Variants in RAET1E observed in about 807,000 individuals in gnomAD.
RAET1E encodes NKG2D ligand 4.
RAET1E carries 27 observed loss-of-function variants against 21.1 expected under a neutral mutation model. The observed-to-expected ratio is 1.28, with a 90% CI of 0.94 to 1.76. The LOEUF (loss-of-function observed/expected upper bound fraction) is 1.76, where lower values mean the gene tolerates loss of function less well. Ranked by LOEUF, RAET1E falls within the 40% of genes most tolerant of loss-of-function variation. The pLI is 0.00. For synonymous variants in RAET1E, 113 were observed against 115.0 expected (o/e 0.98, Z 0.11); for missense variants, 310 against 311.3 (o/e 1.00, Z 0.03).
At chr6:149,892,355 C>T (rs1162136579) in intron 2 of RAET1E, among the ~76,000 whole-genome samples, 2 of 152,240 alleles carry the variant, frequency 1.3e-5, no homozygotes, top group Non-Finnish European at 1.5e-5. Context: ...TTTTCCACAA[C>T]CTCTCCAACA....
At chr6:149,896,716 G>A (rs536780161) in intron 1 of RAET1E, among the ~76,000 whole-genome samples, 1 of 152,184 alleles carries the variant, frequency 6.6e-6, no homozygotes, top group Admixed American at 6.5e-5. Flanking sequence ...TGACCACTGA[G>A]TAGCTCCTTA....
intron 5 of RAET1E, 58 bp from the exon 6 acceptor site, chr6:149,888,725 G>T: frequency 1.4e-6 from 2 of 1,404,004 alleles, no homozygotes; most frequent in South Asian, 2.8e-5. Flanking sequence ...AAAAAAAAAA[G>T]CATAAAAATA....
intron 3 of RAET1E, 119 bp from the exon 4 acceptor site, chr6:149,890,264 T>A: frequency 9.9e-7 from 1 of 1,015,118 alleles, no homozygotes. Flanking sequence ...GGCAGCTCCA[T>A]CCCAGACTCC....
In RAET1E at chr6:149,884,535, C is replaced by T; in HGVS notation, c.*3963G>A. 2 of 1,535,294 alleles carry T rather than the reference C, an allele frequency of 1.3e-6. No individual in the cohort carries two copies. The highest frequency in any genetic ancestry group is 8.7e-7 in the Non-Finnish European group (1 of 1,146,258). ...GGAAGGAGACAAAAGAGTGCAGAAC[C>T]CTGGGTCAGATCAGCTCAGGATTGA... On this transcript the variant is annotated 3_prime_UTR_variant, in exon 6 of 6. Transcript: ENST00000357183.
Position 149,887,099 on chromosome 6 carries a change from C to T in RAET1E, c.*1399G>A, listed in dbSNP as rs1777644675. ...TGATCCCTGCCTGCTCCTGCCCAGA[C>T]AGGAAGCCCTTCAGCAGCCGACTCG... On this transcript the variant is annotated 3_prime_UTR_variant, in exon 6 of 6. Transcript: ENST00000357183. Among the ~76,000 whole-genome samples the T allele has an allele frequency of 6.6e-6, 1 of 152,230 alleles. No individual in the cohort carries two copies. The highest frequency in any genetic ancestry group is 1.5e-5 in the Non-Finnish European group (1 of 68,046).
rs1377661550 is a variant in RAET1E, at chr6:149,886,204, T to C, written c.*2294A>G. Among the ~76,000 whole-genome samples, 1 of 152,254 alleles carries C rather than the reference T, an allele frequency of 6.6e-6. No individual in the cohort carries two copies. Among genetic ancestry groups the C allele is most frequent in the Non-Finnish European group, 1.5e-5 (1 of 68,044 alleles). ...TATTTTGTATTATCATTTTCATTCATTTCAAAATACTTTCTAGTTTTCCTT... is the reference window on the plus strand; with the variant it reads ...TATTTTGTATTATCATTTTCATTCACTTCAAAATACTTTCTAGTTTTCCTT... On this transcript the variant is annotated 3_prime_UTR_variant, in exon 6 of 6. Coordinates refer to ENST00000357183, the MANE Select transcript of RAET1E (RefSeq NM_001394057.1).
At chr6:149,891,895 C>T (rs1777918287) in intron 2 of RAET1E, among the ~76,000 whole-genome samples, 1 of 152,166 alleles carries the variant, frequency 6.6e-6, no homozygotes, top group South Asian at 2.1e-4. Flanking sequence ...CACCCCGTGA[C>T]AGGCCCTGGT....
Position 149,888,162 on chromosome 6 carries a change from C to A in RAET1E, c.*336G>T, listed in dbSNP as rs1186326187. The stretch of plus-strand genomic sequence containing the variant: ...GCCACAAGCGCCACCAGCAAGTCTT[C>A]TCAGGGTGAACGGGAAAAGGGGATG... On this transcript the variant is annotated 3_prime_UTR_variant, in exon 6 of 6. Transcript: ENST00000357183. The A allele has an allele frequency of 5.3e-6, 3 of 566,978 alleles. No homozygotes were observed. In the Admixed American group the frequency reaches 5.8e-5, roughly 11 times the overall value. 35.1% of individuals were successfully genotyped at this position (566,978 alleles called of 1,614,324 possible). A position where few individuals can be genotyped will look rare whatever the true frequency, so the allele number is the denominator to read the frequency against.
intron 2 of RAET1E, among the ~76,000 whole-genome samples, chr6:149,892,808 G>T (rs1046831892): frequency 6.6e-6 from 1 of 152,016 alleles, no homozygotes; most frequent in African/African-American, 2.4e-5. Context: ...GGTATTGCCC[G>T]GGTTTTCTTC....
rs1008082149 is a variant in RAET1E, at chr6:149,884,941, G to C, written c.*3557C>G. ...CCTTCTAGTCCTTGCTGTCCTCACA[G>C]AGTGTCTAGGGTTCACTTTCAGCCT... is the stretch of plus-strand genomic sequence containing the variant. On this transcript the variant is annotated 3_prime_UTR_variant, in exon 6 of 6. Transcript: ENST00000357183. Among the ~76,000 whole-genome samples the C allele has an allele frequency of 3.3e-5, 5 of 152,154 alleles. No homozygotes were observed. The highest frequency in any genetic ancestry group is 1.2e-4 in the African/African-American group (5 of 41,436).
chr6:149,896,394 G>C (rs1778114499), intron 1 of RAET1E, among the ~76,000 whole-genome samples: 2 of 152,216 alleles, frequency 1.3e-5, no homozygotes, highest in Admixed American at 6.5e-5. Flanking sequence ...AGGAGCCGAG[G>C]AATGCACATT....
intron 2 of RAET1E, among the ~76,000 whole-genome samples, chr6:149,894,535 T>A (rs1162983079): frequency 1.3e-5 from 2 of 152,182 alleles, no homozygotes; most frequent in Non-Finnish European, 2.9e-5. Flanking sequence ...TGATCTTCAA[T>A]CACTGATATC....
Position 149,884,300 on chromosome 6 carries a change from T to C in RAET1E, c.*4198A>G, listed in dbSNP as rs758444331. 7 of 583,744 alleles carry C rather than the reference T, an allele frequency of 1.2e-5. No homozygotes were observed. The highest frequency in any genetic ancestry group is 2.1e-5 in the Non-Finnish European group (7 of 328,800). 36.2% of individuals were successfully genotyped at this position (583,744 alleles called of 1,614,324 possible). A position where few individuals can be genotyped will look rare whatever the true frequency, so the allele number is the denominator to read the frequency against. On this transcript the variant is annotated 3_prime_UTR_variant, in exon 6 of 6. Transcript: ENST00000357183. The stretch of plus-strand genomic sequence containing the variant: ...GCCCTATCTTTTAAAAAATATGTAC[T>C]GAAAAAAAATTTTTTTTTTTTGAGA...
Position 149,889,987 on chromosome 6 carries a change from A to T in RAET1E, c.244T>A (p.Tyr82Asn), listed in dbSNP as rs2151910. Reference protein sequence around the residue: ...KPLGLLGKKVYATSTWGELTQ... With the variant: ...KPLGLLGKKVNATSTWGELTQ... ...AATTCTCCCCAAGTGCTGGTGGCAT[A>T]TACCTTCTTCCCCAGGAGGCCCAGA... Residue 82 changes from tyrosine (Y) to asparagine (N), a missense_variant, in exon 4 of 6, where the codon TAT becomes AAT. Coordinates refer to ENST00000357183, the MANE Select transcript of RAET1E (RefSeq NM_001394057.1). The T allele has an allele frequency of 0.77, 1,236,862 of 1,613,812 alleles. 478,003 individuals carry two copies. Among genetic ancestry groups the T allele is most frequent in the African/African-American group, 0.96 (71,866 of 74,998 alleles).
At chr6:149,891,565 G>A (rs758482229) in intron 2 of RAET1E, among the ~76,000 whole-genome samples, 1 of 151,794 alleles carries the variant, frequency 6.6e-6, no homozygotes, top group Non-Finnish European at 1.5e-5. Context: ...ACATGTATCA[G>A]GCACTATCAT....
At chr6:149,895,285 C>T (rs1778070764) in intron 2 of RAET1E, among the ~76,000 whole-genome samples, 3 of 152,260 alleles carry the variant, frequency 2.0e-5, no homozygotes. Context: ...AGCTCGAATG[C>T]TGTGCTGGGA....
In RAET1E at chr6:149,890,056, T is replaced by A. The variant is rs775459300; in HGVS notation, c.175A>T (p.Asn59Tyr). The A allele has an allele frequency of 6.2e-7, 1 of 1,614,132 alleles. No individual in the cohort carries two copies. Among genetic ancestry groups the A allele is most frequent in the Non-Finnish European group, 8.5e-7 (1 of 1,180,022 alleles). The part of the protein sequence containing the change: ...WCEAQVFLNK[N>Y]LFLQYNSDNN... Reference sequence around the variant, plus strand: ...TCACTGTTGTACTGAAGGAAAAGATTTTTATTCAAGAAGACCTGCGCTTCA... The same window carrying A: ...TCACTGTTGTACTGAAGGAAAAGATATTTATTCAAGAAGACCTGCGCTTCA... Residue 59 changes from asparagine (N) to tyrosine (Y), a missense_variant, in exon 4 of 6, where the codon AAT (asparagine) becomes TAT (tyrosine). Transcript: ENST00000357183.
chr6:149,888,320 T>TTCATC lies in RAET1E; in HGVS notation c.*177_*178insGATGA. 1.2e-6 allele frequency: 1 copy of TTCATC among 805,264 alleles called. No homozygotes were observed. The highest frequency in any genetic ancestry group is 2.0e-6 in the Non-Finnish European group (1 of 490,430). 49.9% of individuals were successfully genotyped at this position (805,264 alleles called of 1,614,324 possible). A position where few individuals can be genotyped will look rare whatever the true frequency, so the allele number is the denominator to read the frequency against. On this transcript the variant is annotated 3_prime_UTR_variant, in exon 6 of 6. Transcript: ENST00000357183. ...CGTTCCAGATCTTTGACCTTGCCCC[T>TTCATC]CCTCGAGAGGAGATGATTGCTTCAT...
At chr6:149,892,830 T>C (rs917318057) in intron 2 of RAET1E, among the ~76,000 whole-genome samples, 5 of 152,254 alleles carry the variant, frequency 3.3e-5, no homozygotes, top group African/African-American at 1.2e-4. Context: ...AGGATTTTTA[T>C]GGTCCTATGT....
Sources: gnomAD v4.1 joint callset for allele counts (sites outside exome capture counted in the v4.1 genomes callset) on GRCh38, gnomAD v4.1.1 for gene constraint, MANE v1.5 for transcripts, NCBI Gene and HGNC (gene_info 2026-07-23, HGNC 2026-07-21) for gene names.